ASTN2: variants seen among roughly 807,000 people sequenced by gnomAD.
ASTN2 encodes the protein astrotactin 2, also known as astrotactin-2.
In ASTN2, 54 loss-of-function variants were observed where a neutral mutation model predicts 139.8. That is an observed-to-expected ratio of 0.39 (90% CI 0.31 to 0.48). The LOEUF (loss-of-function observed/expected upper bound fraction) is 0.48, where lower values mean the gene tolerates loss of function less well. Among genes scored for constraint, ASTN2 ranks in the 20% least tolerant of loss-of-function variants. The pLI is 0.95. For synonymous variants in ASTN2, 756 were observed against 719.5 expected (o/e 1.05, Z -0.81); for missense variants, 1,565 against 1,725.1 (o/e 0.91, Z 1.64).
chr9:116,622,524 T>C (rs984567942), intron 17 of ASTN2, among the ~76,000 whole-genome samples: 18 of 152,212 alleles, frequency 1.2e-4, no homozygotes, highest in African/African-American at 3.6e-4. Context: ...TCCTCATTTA[T>C]ATATAAGAAA....
intron 10 of ASTN2, among the ~76,000 whole-genome samples, chr9:116,911,572 T>C (rs543185594): frequency 6.6e-6 from 1 of 152,246 alleles, no homozygotes; most frequent in Non-Finnish European, 1.5e-5. Flanking sequence ...TCTTAGTTTT[T>C]ACAACTGTAT....
intron 1 of ASTN2, among the ~76,000 whole-genome samples, chr9:117,402,346 G>A (rs572221645): frequency 2.6e-5 from 4 of 152,308 alleles, no homozygotes; most frequent in Admixed American, 6.5e-5. Flanking sequence ...GATTACAGGC[G>A]TGAGCCACTG....
At chr9:116,924,737 G>A (rs1313560391) in intron 10 of ASTN2, among the ~76,000 whole-genome samples, 1 of 152,132 alleles carries the variant, frequency 6.6e-6, no homozygotes, top group African/African-American at 2.4e-5. Context: ...GATGACCAGA[G>A]GTCACTTTTG....
At chr9:116,633,818 T>C (rs1465801533) in intron 17 of ASTN2, among the ~76,000 whole-genome samples, 1 of 152,164 alleles carries the variant, frequency 6.6e-6, no homozygotes, top group Admixed American at 6.5e-5. Flanking sequence ...ATGCTTAGTC[T>C]AGCTAGACTC....
At chr9:116,991,095 C>T (rs975675163) in intron 7 of ASTN2, among the ~76,000 whole-genome samples, 1 of 152,136 alleles carries the variant, frequency 6.6e-6, no homozygotes, top group Middle Eastern at 3.2e-3. Context: ...AGAGACCATT[C>T]AACATCGTAG....
At chr9:116,843,279 C>T (rs944188746) in intron 11 of ASTN2, among the ~76,000 whole-genome samples, 1 of 152,160 alleles carries the variant, frequency 6.6e-6, no homozygotes, top group African/African-American at 2.4e-5. Flanking sequence ...ATGTCCTTTG[C>T]AGCAATATGG....
At chr9:117,223,708 C>CA (rs1042685576) in intron 2 of ASTN2, among the ~76,000 whole-genome samples, 5 of 152,116 alleles carry the variant, frequency 3.3e-5, no homozygotes, top group African/African-American at 1.2e-4. Context: ...TAAGAATTTG[C>CA]ATGTATACAT....
chr9:117,327,109 A>C (rs184328880), intron 1 of ASTN2, among the ~76,000 whole-genome samples: 8 of 152,272 alleles, frequency 5.3e-5, no homozygotes, highest in Admixed American at 5.2e-4. Flanking sequence ...TCAAGTATGC[A>C]GTTCACAATA....
At chr9:116,775,174 C>T (rs1830048555) in intron 13 of ASTN2, among the ~76,000 whole-genome samples, 1 of 152,040 alleles carries the variant, frequency 6.6e-6, no homozygotes, top group South Asian at 2.1e-4. Context: ...CAAGGAGCTC[C>T]AGGCCCCCAG....
At chr9:117,108,519 A>G (rs915867773) in intron 4 of ASTN2, among the ~76,000 whole-genome samples, 6 of 150,632 alleles carry the variant, frequency 4.0e-5, no homozygotes, top group African/African-American at 1.4e-4. Flanking sequence ...CTAGAAGTGG[A>G]CATGCACTGG....
intron 3 of ASTN2, among the ~76,000 whole-genome samples, chr9:117,142,549 T>C (rs7873859): frequency 0.5 from 75,316 of 152,052 alleles, 19,328 homozygotes; most frequent in East Asian, 0.68. Context: ...TAACACCTTG[T>C]CCAATATTCC....
At chr9:116,554,973 CTG>C (rs770431293) in intron 19 of ASTN2, among the ~76,000 whole-genome samples, 23 of 152,172 alleles carry the variant, frequency 1.5e-4, no homozygotes, top group Non-Finnish European at 2.4e-4. Flanking sequence ...AGGAGGGAAA[CTG>C]TGAGATTATC....
intron 13 of ASTN2, among the ~76,000 whole-genome samples, chr9:116,765,965 G>A (rs1372411781): frequency 6.6e-6 from 1 of 152,066 alleles, no homozygotes; most frequent in Non-Finnish European, 1.5e-5. Flanking sequence ...AGCGTTGTGT[G>A]GCCTTGGGCA....
chr9:116,790,929 TGAAA>T (rs758357999), intron 13 of ASTN2, among the ~76,000 whole-genome samples: 5,405 of 91,962 alleles, frequency 0.059, 426 homozygotes, highest in Non-Finnish European at 0.074. Context: ...AAGGAAGGAA[TGAAA>T]GAAAGAAAGA....
chr9:116,900,124 C>G (rs1197652173), intron 10 of ASTN2, among the ~76,000 whole-genome samples: 2 of 152,222 alleles, frequency 1.3e-5, no homozygotes, highest in Non-Finnish European at 2.9e-5. Context: ...TTAACTGAAT[C>G]TGCATTTATT....
At chr9:116,647,973 T>A (rs1347163571) in intron 17 of ASTN2, among the ~76,000 whole-genome samples, 1 of 151,136 alleles carries the variant, frequency 6.6e-6, no homozygotes, top group African/African-American at 2.4e-5. Context: ...ATGACAGGTG[T>A]GCACCACCAC....
chr9:117,340,070 T>A (rs1829016945), intron 1 of ASTN2, among the ~76,000 whole-genome samples: 1 of 151,822 alleles, frequency 6.6e-6, no homozygotes, highest in African/African-American at 2.4e-5. Context: ...ACCCTCCCTG[T>A]CCTCATCCCA....
Position 117,284,641 on chromosome 9 carries a change from C to A in ASTN2, c.630+6685G>T, listed in dbSNP as rs1409129105. On this transcript the variant is annotated intron_variant, in intron 2 of 22. Transcript: ENST00000313400. ...AGATAATAAATGTCTGTCTTTTAAGCCACTCAGTTTGTGGTACTTTGTTAT... is the reference window on the plus strand; with the variant it reads ...AGATAATAAATGTCTGTCTTTTAAGACACTCAGTTTGTGGTACTTTGTTAT... 3.3e-5 allele frequency among the ~76,000 whole-genome samples: 5 copies of A among 152,194 alleles called. No individual in the cohort carries two copies. The South Asian group carries it at 6.2e-4, about 19-fold the overall frequency.
intron 13 of ASTN2, among the ~76,000 whole-genome samples, chr9:116,784,949 AAT>A (rs1185312046): frequency 2.0e-3 from 282 of 144,604 alleles, no homozygotes; most frequent in African/African-American, 6.5e-3. Context: ...AAAAAAAAAA[AAT>A]AAGAGGAGCA....
Sources: gnomAD v4.1 joint callset for allele counts (sites outside exome capture counted in the v4.1 genomes callset) on GRCh38, gnomAD v4.1.1 for gene constraint, MANE v1.5 for transcripts, NCBI Gene and HGNC (gene_info 2026-07-23, HGNC 2026-07-21) for gene names.